Variants in CCDC61 observed in about 807,000 individuals in gnomAD.
CCDC61 encodes centrosomal protein CCDC61.
Under a neutral mutation model 63.0 loss-of-function variants are expected in CCDC61, and 55 were observed. The observed-to-expected ratio is 0.87, with a 90% CI of 0.70 to 1.09. CCDC61 has a LOEUF of 1.09. CCDC61 is among the 50% of genes least tolerant of loss of function. The pLI, the probability that CCDC61 is intolerant of heterozygous loss-of-function variation, is 0.00. For missense variants in CCDC61, 651 were observed against 731.4 expected, an observed-to-expected ratio of 0.89 and a Z score of 1.27; for synonymous variants, 270 against 317.0, an observed-to-expected ratio of 0.85 and a Z score of 1.58.
chr19:46,013,051 C>T (rs1018517756), intron 5 of CCDC61, among the ~76,000 whole-genome samples: 2 of 151,846 alleles, frequency 1.3e-5, no homozygotes, highest in African/African-American at 2.4e-5. Flanking sequence ...TTGTTCTGTC[C>T]CCCAAGCTGG....
rs760544095 is a variant in CCDC61, at chr19:46,016,711, G to T, written c.1109G>T (p.Arg370Leu). The change falls in exon 10 of 14, where the codon CGC becomes CTC. Residue 370 changes from arginine to leucine, a missense_variant. Coordinates refer to ENST00000595358, the MANE Select transcript of CCDC61 (RefSeq NM_001267723.2). The surrounding 1 kb of genome is among the most constrained non-coding windows in gnomAD (Gnocchi z 7.2). ...EIQMKQQQRN[R>L]LGSGGSGDGP... ...TTTCCCAGGCAGCAGCAGCGGAACC[G>T]CTTAGGCAGTGGGGGAAGCGGGGAC... The T allele has an allele frequency of 1.9e-6, 3 of 1,611,810 alleles. No individual in the cohort carries two copies. The South Asian group carries it at 3.3e-5, about 18-fold the overall frequency.
chr19:45,995,538 C>T (rs1455604209), intron 1 of CCDC61, 34 bp downstream of exon 1: 1 of 497,976 alleles, frequency 2.0e-6, no homozygotes, highest in South Asian at 1.5e-5. Flanking sequence ...TTGCGCGGGC[C>T]GTGGTGGAGG....
At chr19:46,005,615 A>G (rs1968691407) in intron 3 of CCDC61, among the ~76,000 whole-genome samples, 1 of 152,036 alleles carries the variant, frequency 6.6e-6, no homozygotes, top group East Asian at 1.9e-4. Context: ...TCAGACACCC[A>G]GTGGAAGATA....
At chr19:45,995,551 T>C (rs372707090) in intron 1 of CCDC61, 47 bp downstream of exon 1, 42 of 479,200 alleles carry the variant, frequency 8.8e-5, no homozygotes, top group African/African-American at 7.8e-4. Flanking sequence ...GGTGGAGGTC[T>C]TAGGTGGAGG....
intron 1 of CCDC61, chr19:45,996,344 C>T (rs1026256582): frequency 6.6e-6 from 1 of 152,150 alleles, no homozygotes; most frequent in Admixed American, 6.5e-5. Flanking sequence ...CCAAACCAAT[C>T]TTGCGATTTC....
chr19:46,014,215 T>G (rs1490465093), intron 5 of CCDC61, among the ~76,000 whole-genome samples: 1 of 152,324 alleles, frequency 6.6e-6, no homozygotes, highest in East Asian at 1.9e-4. Flanking sequence ...GTGCTGAGAT[T>G]ACAGGCATGA....
Position 45,995,515 on chromosome 19 carries a change from G to C in CCDC61, c.-12+11G>C, listed in dbSNP as rs1214477692. The C allele has an allele frequency of 1.9e-6, 1 of 518,254 alleles. No homozygotes were observed. The highest frequency in any genetic ancestry group is 4.0e-6 in the Non-Finnish European group (1 of 252,134). The allele number at this position is 518,254 out of a possible 1,614,324, so 32.1% of individuals were successfully genotyped here. On this transcript the variant is annotated intron_variant, in intron 1 of 13. Coordinates refer to ENST00000595358, the MANE Select transcript of CCDC61 (RefSeq NM_001267723.2). ...TTGCTAGTGGAGAAGGTGAGAGGCC[G>C]CGGGAGTGGCGGTTGCGCGGGCCGT...
chr19:46,016,519 G>C lies in CCDC61; in HGVS notation c.1091+126G>C. The C allele has an allele frequency of 7.3e-7, 1 of 1,376,834 alleles. No homozygotes were observed. The allele number at this position is 1,376,834 out of a possible 1,614,324, so 85.3% of individuals were successfully genotyped here. ...CTGCTCGCTTCTCGCCGGATACCCC[G>C]CCTGCTCTCCCTTCCGTCCGTCCTA... On this transcript the variant is annotated intron_variant, in intron 9 of 13. Coordinates refer to ENST00000595358, the MANE Select transcript of CCDC61 (RefSeq NM_001267723.2). The surrounding 1 kb of genome is among the most constrained non-coding windows in gnomAD (Gnocchi z 7.2).
chr19:46,001,490 C>T (rs528607249), intron 1 of CCDC61, among the ~76,000 whole-genome samples: 1 of 152,330 alleles, frequency 6.6e-6, no homozygotes, highest in South Asian at 2.1e-4. Flanking sequence ...TCCCAAAGTG[C>T]TGGGATTACA....
At chr19:46,011,961 C>T (rs187970664) in intron 5 of CCDC61, among the ~76,000 whole-genome samples, 35 of 152,280 alleles carry the variant, frequency 2.3e-4, no homozygotes, top group South Asian at 1.2e-3. Context: ...TGCCACCACA[C>T]CCGGCTGATT....
At chr19:46,014,795 A>AGT (rs148097219) in intron 5 of CCDC61, among the ~76,000 whole-genome samples, 53 of 151,458 alleles carry the variant, frequency 3.5e-4, no homozygotes, top group Admixed American at 1.6e-3. Context: ...CAGGGGGAGG[A>AGT]GTGTGTGTGT....
At chr19:46,009,938 C>T (rs1453521487) in intron 5 of CCDC61, among the ~76,000 whole-genome samples, 1 of 152,100 alleles carries the variant, frequency 6.6e-6, no homozygotes, top group Non-Finnish European at 1.5e-5. Flanking sequence ...CGCCCTCCAC[C>T]CTTTGGAACC....
chr19:46,003,609 T>C (rs1968636671), intron 3 of CCDC61, 108 bp downstream of exon 3: 5 of 683,612 alleles, frequency 7.3e-6, no homozygotes, highest in Non-Finnish European at 7.4e-6. Context: ...TTCTCTTTCA[T>C]TGTGGGAAGA....
At position 46,003,092 on chromosome 19, in the gene CCDC61, C is replaced by T; in HGVS notation, c.74C>T (p.Ser25Phe). ...GVEHAVRVMV[S>F]GQVLELEVED... Reference sequence around the variant, plus strand: ...GAGCATGCCGTGCGGGTGATGGTTTCTGGGCAGGTGCTGGAGCTGGAGGTG... The same window carrying T: ...GAGCATGCCGTGCGGGTGATGGTTTTTGGGCAGGTGCTGGAGCTGGAGGTG... The change falls in exon 2 of 14, where the codon TCT becomes TTT. Residue 25 changes from serine to phenylalanine, a missense_variant. Ser to Phe is a radical substitution (Grantham distance 155). Coordinates refer to ENST00000595358, the MANE Select transcript of CCDC61 (RefSeq NM_001267723.2). 3 of 1,612,032 alleles carry T rather than the reference C, an allele frequency of 1.9e-6. No individual in the cohort carries two copies. Among genetic ancestry groups the T allele is most frequent in the Non-Finnish European group, 2.5e-6 (3 of 1,179,186 alleles).
chr19:46,015,868 G>A lies in CCDC61; in HGVS notation c.846-186G>A, dbSNP rs1474908024. 2.0e-5 allele frequency among the ~76,000 whole-genome samples: 3 copies of A among 150,900 alleles called. No individual in the cohort carries two copies. The highest frequency in any genetic ancestry group is 4.4e-5 in the Non-Finnish European group (3 of 67,782). ...GGATGTAGGGGAATGACAGAGGGGTGTTTTAGGGGTCCAATTGGGTGAGGT... is the reference window on the plus strand; with the variant it reads ...GGATGTAGGGGAATGACAGAGGGGTATTTTAGGGGTCCAATTGGGTGAGGT... On this transcript the variant is annotated intron_variant, in intron 7 of 13. Coordinates refer to ENST00000595358, the MANE Select transcript of CCDC61 (RefSeq NM_001267723.2). This position sits in a 1 kb window ranked among gnomAD's most constrained non-coding sequence, Gnocchi z 5.3.
chr19:45,996,846 C>T (rs1347367435), intron 1 of CCDC61, among the ~76,000 whole-genome samples: 1 of 152,190 alleles, frequency 6.6e-6, no homozygotes, highest in African/African-American at 2.4e-5. Flanking sequence ...TTGTCTCCTG[C>T]TCTTACCTGG....
At chr19:46,006,805 C>G in intron 4 of CCDC61, 89 bp downstream of exon 4, 1 of 1,234,078 alleles carries the variant, frequency 8.1e-7, no homozygotes, top group Non-Finnish European at 1.1e-6. Flanking sequence ...GGCACCCAGG[C>G]AAGGTGATAT....
intron 3 of CCDC61, among the ~76,000 whole-genome samples, chr19:46,005,675 T>C (rs372232025): frequency 6.6e-6 from 1 of 152,288 alleles, no homozygotes; most frequent in Admixed American, 6.5e-5. Context: ...ATTTTGTTAT[T>C]GGCAAGACAT....
At chr19:46,009,835 T>TGC (rs146837715) in intron 5 of CCDC61, among the ~76,000 whole-genome samples, 8 of 151,748 alleles carry the variant, frequency 5.3e-5, no homozygotes, top group South Asian at 2.1e-4. Context: ...TGTGTGTGTG[T>TGC]GTGCGCGCGC....
Sources: allele counts gnomAD v4.1 joint callset (sites outside exome capture counted in the v4.1 genomes callset), GRCh38; gene constraint gnomAD v4.1.1; non-coding constraint Gnocchi (gnomAD v3.1); transcripts MANE v1.5; gene names NCBI Gene and HGNC (gene_info 2026-07-23, HGNC 2026-07-21).